The following PSMD14 variants were observed in gnomAD, a reference collection of about 807,000 sequenced individuals.
PSMD14 encodes proteasome 26S subunit, non-ATPase 14, also known as ubiquitin C-terminal hydrolase PSMD14.
Under a neutral mutation model 41.2 loss-of-function variants are expected in PSMD14, and 7 were observed. The ratio of observed to expected loss-of-function variants is 0.17; its 90% CI spans 0.10 to 0.32. The LOEUF is 0.32. PSMD14 is among the 10% of genes least tolerant of loss of function. The probability of loss-of-function intolerance (pLI) is 1.00; values close to 1 mark genes in which losing one functional copy is unlikely to be tolerated. For missense variants in PSMD14, 139 were observed against 375.6 expected, an observed-to-expected ratio of 0.37 and a Z score of 5.21; for synonymous variants, 114 against 122.3, an observed-to-expected ratio of 0.93 and a Z score of 0.45.
chr2:161,361,178 G>A (rs980962910), intron 3 of PSMD14, among the ~76,000 whole-genome samples: 5 of 151,738 alleles, frequency 3.3e-5, no homozygotes, highest in African/African-American at 9.7e-5. Flanking sequence ...TCTGGGTGGT[G>A]GTATAACATG....
In PSMD14 at chr2:161,391,144, C is replaced by T; in HGVS notation, c.611C>T (p.Thr204Ile). Residue 204 changes from threonine (T) to isoleucine (I), a missense_variant, in exon 9 of 12, where the codon ACT becomes ATT. Thr to Ile is a moderately conservative substitution (Grantham distance 89, BLOSUM62 -1). This residue lies in a region of PSMD14 where 80 missense variants were observed against 138.1 expected (regional missense o/e 0.58). Coordinates refer to ENST00000409682, the MANE Select transcript of PSMD14 (RefSeq NM_005805.6). ...CTAAACAGACATTATTACTCCATTACTATTAACTATCGGAAAAATGAACTG... is the reference window on the plus strand; with the variant it reads ...CTAAACAGACATTATTACTCCATTATTATTAACTATCGGAAAAATGAACTG... ...HGLNRHYYSI[T>I]INYRKNELEQ... 6.5e-7 allele frequency: 1 copy of T among 1,538,872 alleles called. No homozygotes were observed. Among genetic ancestry groups the T allele is most frequent in the Non-Finnish European group, 8.8e-7 (1 of 1,140,610 alleles).
At chr2:161,364,643 C>T (rs1683334997) in intron 3 of PSMD14, among the ~76,000 whole-genome samples, 1 of 152,100 alleles carries the variant, frequency 6.6e-6, no homozygotes, top group Non-Finnish European at 1.5e-5. Context: ...TGTAGGAAAA[C>T]AACAGCCTTA....
chr2:161,395,489 A>G (rs973975401), intron 10 of PSMD14, among the ~76,000 whole-genome samples: 22 of 152,228 alleles, frequency 1.4e-4, no homozygotes, highest in African/African-American at 5.1e-4. Flanking sequence ...GTTGTAGACC[A>G]TGTAATACAG....
chr2:161,356,060 CA>C (rs139029231), intron 3 of PSMD14, among the ~76,000 whole-genome samples: 18 of 151,742 alleles, frequency 1.2e-4, no homozygotes, highest in African/African-American at 1.5e-4. Flanking sequence ...TTTTTTGGAA[CA>C]TTTTTTTTTA....
chr2:161,335,726 A>G (rs1051817634), intron 3 of PSMD14, among the ~76,000 whole-genome samples: 2 of 152,240 alleles, frequency 1.3e-5, no homozygotes, highest in Admixed American at 6.5e-5. Context: ...CCCAGAGGAT[A>G]AATTCCTAGG....
intron 9 of PSMD14, among the ~76,000 whole-genome samples, chr2:161,393,319 A>G (rs970132390): frequency 2.0e-5 from 3 of 152,184 alleles, no homozygotes; most frequent in African/African-American, 7.2e-5. Context: ...TTTCTAGAAC[A>G]GTATCAGTGG....
chr2:161,314,952 A>G (rs1183643814), intron 1 of PSMD14, among the ~76,000 whole-genome samples: 1 of 152,302 alleles, frequency 6.6e-6, no homozygotes, highest in Non-Finnish European at 1.5e-5. Context: ...ATCGAGTGGT[A>G]ATTCTATGTT....
chr2:161,334,327 A>T (rs963816465), intron 3 of PSMD14, among the ~76,000 whole-genome samples: 1 of 152,108 alleles, frequency 6.6e-6, no homozygotes, highest in Admixed American at 6.5e-5. Context: ...CAAGAGTGAA[A>T]CTCCATTTCA....
At chr2:161,321,472 G>C (rs997925486) in intron 3 of PSMD14, among the ~76,000 whole-genome samples, 6 of 151,978 alleles carry the variant, frequency 3.9e-5, no homozygotes, top group African/African-American at 1.5e-4. Context: ...CTACTTTACT[G>C]GCTTGAAGAC....
At chr2:161,380,849 G>A (rs181335029) in intron 7 of PSMD14, among the ~76,000 whole-genome samples, 1 of 152,088 alleles carries the variant, frequency 6.6e-6, no homozygotes, top group East Asian at 1.9e-4. Context: ...GCAGTGCATG[G>A]CAGCAGAAGT....
intron 7 of PSMD14, among the ~76,000 whole-genome samples, chr2:161,375,569 G>C (rs953068038): frequency 2.6e-5 from 4 of 152,014 alleles, no homozygotes; most frequent in African/African-American, 9.7e-5. Context: ...CTCATGGGAA[G>C]AATGTAGAAA....
At chr2:161,388,490 A>T (rs1683662799) in intron 8 of PSMD14, among the ~76,000 whole-genome samples, 1 of 152,064 alleles carries the variant, frequency 6.6e-6, no homozygotes. Context: ...ATATACAGTT[A>T]AAAAAATTTA....
chr2:161,312,849 C>T (rs541645581), intron 1 of PSMD14, among the ~76,000 whole-genome samples: 1 of 152,222 alleles, frequency 6.6e-6, no homozygotes, highest in African/African-American at 2.4e-5. Flanking sequence ...AATGCAAGTC[C>T]CTATCTCCAG....
intron 3 of PSMD14, among the ~76,000 whole-genome samples, chr2:161,339,774 C>T (rs1437607089): frequency 1.3e-5 from 2 of 152,284 alleles, no homozygotes; most frequent in Non-Finnish European, 2.9e-5. Flanking sequence ...TGCCATGTGG[C>T]CTGTTCTCCC....
intron 10 of PSMD14, among the ~76,000 whole-genome samples, chr2:161,403,320 T>C (rs770919923): frequency 6.6e-6 from 1 of 152,098 alleles, no homozygotes; most frequent in Non-Finnish European, 1.5e-5. Flanking sequence ...ATTCAATTTA[T>C]ATGAAAAAAA....
At chr2:161,316,034 G>C (rs1016211761) in intron 1 of PSMD14, among the ~76,000 whole-genome samples, 3 of 152,160 alleles carry the variant, frequency 2.0e-5, no homozygotes, top group Non-Finnish European at 4.4e-5. Flanking sequence ...AGTAGACACA[G>C]TGTTTCACCA....
intron 3 of PSMD14, among the ~76,000 whole-genome samples, chr2:161,326,218 A>G (rs1559038695): frequency 6.6e-6 from 1 of 152,036 alleles, no homozygotes; most frequent in Non-Finnish European, 1.5e-5. Context: ...TTTAGTAGAG[A>G]CAGGGTTTCA....
chr2:161,360,384 C>T (rs1203363457), intron 3 of PSMD14, among the ~76,000 whole-genome samples: 1 of 149,816 alleles, frequency 6.7e-6, no homozygotes, highest in Non-Finnish European at 1.5e-5. Flanking sequence ...TTTTTTTTCA[C>T]CCGCTCTGTC....
At chr2:161,328,073 T>C (rs1252336646) in intron 3 of PSMD14, among the ~76,000 whole-genome samples, 2 of 151,744 alleles carry the variant, frequency 1.3e-5, no homozygotes, top group Non-Finnish European at 2.9e-5. Context: ...ACACACCATA[T>C]GTGGTAAATG....
Sources: gnomAD v4.1 joint callset for allele counts (sites outside exome capture counted in the v4.1 genomes callset) on GRCh38, gnomAD v4.1.1 for gene constraint, gnomAD v4.1.1 regional missense constraint, MANE v1.5 for transcripts, NCBI Gene and HGNC (gene_info 2026-07-23, HGNC 2026-07-21) for gene names.